The following LMTK2 variants were observed in gnomAD, a reference collection of about 807,000 sequenced individuals.
LMTK2 encodes the protein lemur tail kinase 2.
Under a neutral mutation model 127.5 loss-of-function variants are expected in LMTK2, and 37 were observed. That is an observed-to-expected ratio of 0.29 (90% CI 0.22 to 0.38). LMTK2 has a LOEUF of 0.38. Ranked by LOEUF, LMTK2 falls within the 10% of genes least tolerant of loss-of-function variation. The pLI is 1.00. For synonymous variants in LMTK2, 819 were observed against 810.1 expected, an observed-to-expected ratio of 1.01 and a Z score of -0.19; for missense variants, 1,694 against 1,920.3, an observed-to-expected ratio of 0.88 and a Z score of 2.20.
At position 98,106,908 on chromosome 7, in the gene LMTK2, G is replaced by A. The variant is rs1336226698; in HGVS notation, c.-270G>A. 1.8e-5 allele frequency: 8 copies of A among 445,438 alleles called. No homozygotes were observed. The highest frequency in any genetic ancestry group is 2.4e-5 in the Non-Finnish European group (6 of 251,570). The allele number at this position is 445,438 out of a possible 1,614,324, so 27.6% of individuals were successfully genotyped here. On this transcript the variant is annotated 5_prime_UTR_variant, in exon 1 of 14. Transcript: ENST00000297293. ...TGGCGGCGGGAGCGCGGCTTCCCAG[G>A]CCCGCCGCTCCGCAGGGCTGCTGGC...
At chr7:98,156,602 C>T (rs1584268442) in intron 5 of LMTK2, among the ~76,000 whole-genome samples, 1 of 151,986 alleles carries the variant, frequency 6.6e-6, no homozygotes, top group East Asian at 1.9e-4. Context: ...TTGGCAGTTT[C>T]TTAAAAAAAC....
At chr7:98,110,085 C>G (rs527774123) in intron 1 of LMTK2, among the ~76,000 whole-genome samples, 11 of 152,130 alleles carry the variant, frequency 7.2e-5, no homozygotes, top group African/African-American at 2.4e-4. Context: ...TAGGGTCTTT[C>G]GCCTCCTTGT....
intron 2 of LMTK2, among the ~76,000 whole-genome samples, chr7:98,139,483 G>T (rs928696062): frequency 6.6e-6 from 1 of 152,102 alleles, no homozygotes; most frequent in African/African-American, 2.4e-5. Flanking sequence ...ATATCTAGTG[G>T]TACATCATGC....
chr7:98,171,777 A>G lies in LMTK2; in HGVS notation c.791+103A>G. 7.7e-7 allele frequency: 1 copy of G among 1,301,600 alleles called. No homozygotes were observed. Among genetic ancestry groups the G allele is most frequent in the African/African-American group, 1.5e-5 (1 of 67,184 alleles). 80.6% of individuals were successfully genotyped at this position (1,301,600 alleles called of 1,614,324 possible). A position where few individuals can be genotyped will look rare whatever the true frequency, so the allele number is the denominator to read the frequency against. Reference sequence around the variant, plus strand: ...CTTAAGGAGGACAGGAGGTGGCAGAATGAACCCAGCTCATGTAGGTAGAAG... The same window carrying G: ...CTTAAGGAGGACAGGAGGTGGCAGAGTGAACCCAGCTCATGTAGGTAGAAG... On this transcript the variant is annotated intron_variant, in intron 7 of 13. Coordinates refer to ENST00000297293, the MANE Select transcript of LMTK2 (RefSeq NM_014916.4). This position sits in a 1 kb window ranked among gnomAD's most constrained non-coding sequence, Gnocchi z 5.1.
chr7:98,190,384 GCAGCCTGGC>G (rs1325308150), intron 9 of LMTK2, among the ~76,000 whole-genome samples: 2 of 152,152 alleles, frequency 1.3e-5, no homozygotes, highest in East Asian at 3.9e-4. Flanking sequence ...GACTTTGAGA[GCAGCCTGGC>G]CAACGTGGTG....
intron 1 of LMTK2, among the ~76,000 whole-genome samples, chr7:98,128,715 A>C (rs1203351528): frequency 6.6e-6 from 1 of 152,066 alleles, no homozygotes; most frequent in Non-Finnish European, 1.5e-5. Context: ...CTCCCTGGGG[A>C]AGAGGCTGCC....
chr7:98,206,169 AT>A lies in LMTK2; in HGVS notation c.*678del, dbSNP rs1797794992. On this transcript the variant is annotated 3_prime_UTR_variant, in exon 14 of 14. Transcript: ENST00000297293. ...GTCTAGGATTGTTGGGATTGTACAT[AT>A]GGTACTCTTTCATAAATGATAAATG... The A allele has an allele frequency of 6.6e-6, 1 of 152,274 alleles. No individual in the cohort carries two copies. The highest frequency in any genetic ancestry group is 2.4e-5 in the African/African-American group (1 of 41,448). 9.4% of individuals were successfully genotyped at this position (152,274 alleles called of 1,614,324 possible).
chr7:98,108,806 A>G (rs1418190688), intron 1 of LMTK2, among the ~76,000 whole-genome samples: 1 of 149,138 alleles, frequency 6.7e-6, no homozygotes, highest in East Asian at 2.0e-4. Flanking sequence ...TTGGATTTTT[A>G]TATATTTTGA....
chr7:98,172,627 C>T (rs1037925993), intron 7 of LMTK2, among the ~76,000 whole-genome samples: 4 of 152,180 alleles, frequency 2.6e-5, no homozygotes, highest in Admixed American at 2.6e-4. Flanking sequence ...CTTAGGTCTC[C>T]AGGGAAACCA....
At position 98,185,031 on chromosome 7, in the gene LMTK2, T is replaced by G. The variant is rs756141748; in HGVS notation, c.792-20T>G. On this transcript the variant is annotated intron_variant, in intron 7 of 13. Transcript: ENST00000297293. ...TGGTTGTTGATTCTTCTTGCCATGT[T>G]CACTTCCCTCTGTTTTCAGTGATTT... The G allele has an allele frequency of 5.1e-6, 8 of 1,579,268 alleles. No homozygotes were observed. In the Admixed American group the frequency reaches 1.3e-4, roughly 26 times the overall value.
intron 3 of LMTK2, among the ~76,000 whole-genome samples, chr7:98,146,572 A>C (rs930511439): frequency 6.6e-6 from 1 of 152,114 alleles, no homozygotes; most frequent in African/African-American, 2.4e-5. Context: ...TAATGATTAC[A>C]ATTAACATCC....
At chr7:98,187,395 T>A (rs890546041) in intron 9 of LMTK2, among the ~76,000 whole-genome samples, 12 of 152,200 alleles carry the variant, frequency 7.9e-5, no homozygotes, top group African/African-American at 2.9e-4. Context: ...AAGATGCACC[T>A]AAAACTTTGA....
chr7:98,171,242 G>A lies in LMTK2; in HGVS notation c.658-299G>A, dbSNP rs1234125072. On this transcript the variant is annotated intron_variant, in intron 6 of 13. Transcript: ENST00000297293. This position sits in a 1 kb window ranked among gnomAD's most constrained non-coding sequence, Gnocchi z 5.1. Reference sequence around the variant, plus strand: ...CCGTGTCATCTCCTAGGTAACCTGGGAGTTTCTCTAATTCTACACAGCATT... The same window carrying A: ...CCGTGTCATCTCCTAGGTAACCTGGAAGTTTCTCTAATTCTACACAGCATT... 6.6e-6 allele frequency among the ~76,000 whole-genome samples: 1 copy of A among 152,104 alleles called. No homozygotes were observed. The highest frequency in any genetic ancestry group is 1.5e-5 in the Non-Finnish European group (1 of 68,032).
rs368766168 is a variant in LMTK2 at position 98,191,968 on chromosome 7, G to A, written c.1503G>A (p.Thr501=). ...ACCTGGACGAAGGCTTGTCCTACAC[G>A]AGCATCTTCTATCCGGTTGAAGTTT... The part of the protein sequence containing the change: ...RGHLDEGLSY[T]SIFYPVEVFE... Residue 501 remains threonine (T), a synonymous_variant, in exon 11 of 14, where the codon ACG becomes ACA. Coordinates refer to ENST00000297293, the MANE Select transcript of LMTK2 (RefSeq NM_014916.4). The A allele has an allele frequency of 4.3e-6, 7 of 1,614,048 alleles. No homozygotes were observed. Among genetic ancestry groups the A allele is most frequent in the Non-Finnish European group, 3.4e-6 (4 of 1,179,950 alleles).
At chr7:98,118,856 A>G (rs1796322944) in intron 1 of LMTK2, among the ~76,000 whole-genome samples, 1 of 152,188 alleles carries the variant, frequency 6.6e-6, no homozygotes, top group Admixed American at 6.5e-5. Flanking sequence ...ACTTTGGGAA[A>G]CCGAGGCAGG....
chr7:98,152,929 C>T (rs936973205), intron 4 of LMTK2, among the ~76,000 whole-genome samples: 8 of 152,002 alleles, frequency 5.3e-5, no homozygotes, highest in Non-Finnish European at 1.0e-4. Flanking sequence ...CGAGAGCATG[C>T]GGGTGTAGAC....
At chr7:98,126,920 GTCT>G (rs1796453144) in intron 1 of LMTK2, among the ~76,000 whole-genome samples, 1 of 152,104 alleles carries the variant, frequency 6.6e-6, no homozygotes, top group African/African-American at 2.4e-5. Flanking sequence ...CTGGCTTAGG[GTCT>G]TTGTGGTATC....
In LMTK2 at chr7:98,194,005, G is replaced by T. The variant is rs567214169; in HGVS notation, c.3540G>T (p.Pro1180=). The change falls in exon 11 of 14, where the codon CCG becomes CCT. Residue 1180 remains proline (P), a synonymous_variant. Transcript: ENST00000297293. This position sits in a 1 kb window ranked among gnomAD's most constrained non-coding sequence, Gnocchi z 5.4. ...NSSDLELRAT[P]EPAQTGVPQQ... is the part of the protein sequence containing the mutation. The stretch of plus-strand genomic sequence containing the variant: ...GTGACCTGGAATTAAGAGCCACGCC[G>T]GAGCCAGCACAGACTGGTGTTCCCC... 2 of 1,614,130 alleles carry T rather than the reference G, an allele frequency of 1.2e-6. No individual in the cohort carries two copies. The highest frequency in any genetic ancestry group is 1.7e-6 in the Non-Finnish European group (2 of 1,180,044).
At position 98,107,132 on chromosome 7, in the gene LMTK2, C is replaced by T; in HGVS notation, c.-46C>T. On this transcript the variant is annotated 5_prime_UTR_variant, in exon 1 of 14. The change creates a new upstream start codon in the 5' untranslated region. Coordinates refer to ENST00000297293, the MANE Select transcript of LMTK2 (RefSeq NM_014916.4). ...ACTGACGGGCGAACGGACGGACGGA[C>T]GGAAGGCGACTCGAGGGCCGGCCCC... 1 of 1,351,988 alleles carries T rather than the reference C, an allele frequency of 7.4e-7. No homozygotes were observed. 83.7% of individuals were successfully genotyped at this position (1,351,988 alleles called of 1,614,324 possible).
Sources: gnomAD v4.1 joint callset for allele counts (sites outside exome capture counted in the v4.1 genomes callset) on GRCh38, gnomAD v4.1.1 for gene constraint, Gnocchi (gnomAD v3.1) non-coding constraint, MANE v1.5 for transcripts, NCBI Gene and HGNC (gene_info 2026-07-23, HGNC 2026-07-21) for gene names.